Variants in KPNA6 observed in about 807,000 individuals in gnomAD.
The protein encoded by KPNA6 is importin subunit alpha-7.
In KPNA6, 9 loss-of-function variants were observed where a neutral mutation model predicts 72.0. The observed-to-expected ratio is 0.13, with a 90% CI of 0.08 to 0.22. The LOEUF (loss-of-function observed/expected upper bound fraction) is 0.22. Ranked by LOEUF, KPNA6 falls within the 10% of genes least tolerant of loss-of-function variation. The probability of loss-of-function intolerance (pLI) is 1.00; values close to 1 mark genes in which losing one functional copy is unlikely to be tolerated. For synonymous variants in KPNA6, 219 were observed against 242.1 expected (o/e 0.90, Z 0.89); for missense variants, 374 against 655.7 (o/e 0.57, Z 4.69).
rs536690520 is a variant in KPNA6 at position 32,162,538 on chromosome 1, G to A, written c.911+14G>A. 1.1e-5 allele frequency: 18 copies of A among 1,613,372 alleles called. No homozygotes were observed. The Admixed American group carries it at 2.2e-4, about 19-fold the overall frequency. On this transcript the variant is annotated intron_variant, in intron 9 of 13. Transcript: ENST00000373625. The stretch of plus-strand genomic sequence containing the variant: ...AGAGCTGCTGATGTGAGTGGTCTTA[G>A]AAGGGGTACAGGTTCTGGCTGGGCA...
intron 1 of KPNA6, among the ~76,000 whole-genome samples, chr1:32,153,571 C>CAAAA (rs554895996): frequency 3.3e-5 from 2 of 60,460 alleles, no homozygotes; most frequent in African/African-American, 1.2e-4. Flanking sequence ...AACTCTGTCT[C>CAAAA]AAAAAAAAAA....
chr1:32,124,739 T>G (rs1641501999), intron 1 of KPNA6, among the ~76,000 whole-genome samples: 1 of 151,148 alleles, frequency 6.6e-6, no homozygotes, highest in Non-Finnish European at 1.5e-5. Context: ...ACTCCTGAGC[T>G]CAGGCAATCC....
At chr1:32,121,171 C>T (rs111281311) in intron 1 of KPNA6, among the ~76,000 whole-genome samples, 59 of 152,156 alleles carry the variant, frequency 3.9e-4, no homozygotes, top group African/African-American at 1.3e-3. Context: ...TGCTCCTGGC[C>T]GTACCTAGGA....
chr1:32,148,557 C>CT (rs59642374), intron 1 of KPNA6, among the ~76,000 whole-genome samples: 3,553 of 134,340 alleles, frequency 0.026, 147 homozygotes, highest in African/African-American at 0.088. Context: ...GTATATTGGT[C>CT]TTTTTTTTTT....
intron 1 of KPNA6, among the ~76,000 whole-genome samples, chr1:32,150,704 G>A (rs1186535748): frequency 6.6e-6 from 1 of 151,942 alleles, no homozygotes; most frequent in African/African-American, 2.4e-5. Context: ...TCTGCTCACT[G>A]CAACTTCCAC....
chr1:32,161,534 A>G (rs1642238494), intron 7 of KPNA6, among the ~76,000 whole-genome samples: 1 of 152,220 alleles, frequency 6.6e-6, no homozygotes, highest in Non-Finnish European at 1.5e-5. Flanking sequence ...CCCTTCACAG[A>G]AAATTATTCC....
At chr1:32,125,745 A>T (rs1230594832) in intron 1 of KPNA6, among the ~76,000 whole-genome samples, 1 of 152,106 alleles carries the variant, frequency 6.6e-6, no homozygotes, top group Non-Finnish European at 1.5e-5. Context: ...TATTCATGCC[A>T]GATGTTCCAG....
At chr1:32,124,203 T>C (rs1641490002) in intron 1 of KPNA6, among the ~76,000 whole-genome samples, 1 of 151,854 alleles carries the variant, frequency 6.6e-6, no homozygotes, top group African/African-American at 2.4e-5. Context: ...TCAAACCCCG[T>C]GTCTACAGAA....
intron 1 of KPNA6, among the ~76,000 whole-genome samples, chr1:32,144,280 A>G (rs1164515779): frequency 6.6e-6 from 1 of 152,198 alleles, no homozygotes; most frequent in African/African-American, 2.4e-5. Context: ...GGGATGATTC[A>G]TGTCCCAGGT....
At chr1:32,145,250 C>T (rs549210498) in intron 1 of KPNA6, among the ~76,000 whole-genome samples, 4 of 152,046 alleles carry the variant, frequency 2.6e-5, no homozygotes, top group South Asian at 2.1e-4. Flanking sequence ...TGAGCCACCA[C>T]GCCTGGCCAA....
At chr1:32,112,088 C>A (rs1405762251) in intron 1 of KPNA6, among the ~76,000 whole-genome samples, 1 of 152,204 alleles carries the variant, frequency 6.6e-6, no homozygotes, top group Non-Finnish European at 1.5e-5. Flanking sequence ...TGATGCAGTT[C>A]TTGCTAATTA....
At chr1:32,140,610 T>C (rs2124011523) in intron 1 of KPNA6, among the ~76,000 whole-genome samples, 1 of 152,286 alleles carries the variant, frequency 6.6e-6, no homozygotes, top group African/African-American at 2.4e-5. Context: ...TTAAGCAGTT[T>C]ATAATGGAAA....
intron 1 of KPNA6, among the ~76,000 whole-genome samples, chr1:32,149,201 GT>G (rs1402890770): frequency 6.6e-6 from 1 of 151,686 alleles, no homozygotes; most frequent in East Asian, 1.9e-4. Context: ...TAGAACATTT[GT>G]TTGGTTCCTT....
At chr1:32,157,038 A>T in intron 3 of KPNA6, 93 bp downstream of exon 3, 2 of 877,110 alleles carry the variant, frequency 2.3e-6, no homozygotes, top group Non-Finnish European at 3.7e-6. Context: ...CAGCTTTGCC[A>T]GTAACCATGA....
At chr1:32,109,047 A>C (rs1641197632) in intron 1 of KPNA6, among the ~76,000 whole-genome samples, 1 of 152,210 alleles carries the variant, frequency 6.6e-6, no homozygotes, top group East Asian at 1.9e-4. Flanking sequence ...CAACCTAAGG[A>C]AATAGATGCT....
chr1:32,156,280 C>T (rs907112215), intron 2 of KPNA6, among the ~76,000 whole-genome samples: 7 of 151,886 alleles, frequency 4.6e-5, no homozygotes, highest in African/African-American at 1.5e-4. Flanking sequence ...CAGTGGATGC[C>T]TGAAACTGCA....
chr1:32,141,130 CATTGT>C (rs1641828368), intron 1 of KPNA6, among the ~76,000 whole-genome samples: 1 of 151,984 alleles, frequency 6.6e-6, no homozygotes, highest in African/African-American at 2.4e-5. Flanking sequence ...GGTGAGAATT[CATTGT>C]ATTAATAAAA....
intron 10 of KPNA6, 147 bp from the exon 11 acceptor site, chr1:32,165,958 A>G (rs559628819): frequency 2.5e-6 from 2 of 798,634 alleles, no homozygotes; most frequent in Admixed American, 3.4e-5. Context: ...AGATTGTGCC[A>G]TTGCACTCCA....
chr1:32,135,579 C>G (rs1379670058), intron 1 of KPNA6, among the ~76,000 whole-genome samples: 1 of 147,614 alleles, frequency 6.8e-6, no homozygotes, highest in East Asian at 2.0e-4. Flanking sequence ...GTGATCCACC[C>G]ACTTCAGCCT....
Sources: allele counts gnomAD v4.1 joint callset (sites outside exome capture counted in the v4.1 genomes callset), GRCh38; gene constraint gnomAD v4.1.1; transcripts MANE v1.5; gene names NCBI Gene and HGNC (gene_info 2026-07-23, HGNC 2026-07-21).